GRID1: variants seen among roughly 807,000 people sequenced by gnomAD.
GRID1 encodes the protein glutamate ionotropic receptor delta type subunit 1, also known as glutamate receptor ionotropic, delta-1.
A neutral mutation model predicts 98.0 loss-of-function variants in GRID1; 28 were observed. The ratio of observed to expected loss-of-function variants is 0.29; its 90% CI spans 0.21 to 0.39. GRID1 has a LOEUF of 0.39. GRID1 is among the 10% of genes least tolerant of loss of function. The pLI, the probability that GRID1 is intolerant of heterozygous loss-of-function variation, is 1.00. For missense variants in GRID1, 1,111 were observed against 1,340.5 expected (o/e 0.83, Z 2.67); for synonymous variants, 553 against 538.5 (o/e 1.03, Z -0.37).
chr10:85,691,560 G>T (rs982562958), intron 12 of GRID1, among the ~76,000 whole-genome samples: 9 of 152,084 alleles, frequency 5.9e-5, no homozygotes, highest in African/African-American at 9.7e-5. Context: ...AATCATAGCT[G>T]TGGACCTCAA....
chr10:85,890,298 G>A (rs913763727), intron 5 of GRID1, among the ~76,000 whole-genome samples: 1 of 151,914 alleles, frequency 6.6e-6, no homozygotes, highest in African/African-American at 2.4e-5. Flanking sequence ...GTTTCTGAAT[G>A]TTCTCACCAC....
At chr10:85,982,818 G>A (rs1842562213) in intron 4 of GRID1, among the ~76,000 whole-genome samples, 1 of 152,112 alleles carries the variant, frequency 6.6e-6, no homozygotes, top group Non-Finnish European at 1.5e-5. Flanking sequence ...TTCCCTAAGT[G>A]GCTATTGTCA....
intron 4 of GRID1, among the ~76,000 whole-genome samples, chr10:86,029,992 A>G (rs542849887): frequency 6.6e-6 from 1 of 152,350 alleles, no homozygotes; most frequent in African/African-American, 2.4e-5. Context: ...AGAGCTATAC[A>G]TGGTAGCACC....
intron 8 of GRID1, among the ~76,000 whole-genome samples, chr10:85,775,673 C>T (rs918629043): frequency 6.6e-6 from 1 of 151,912 alleles, no homozygotes; most frequent in Non-Finnish European, 1.5e-5. Flanking sequence ...TGCACCTATA[C>T]CCCCCGAATC....
intron 8 of GRID1, among the ~76,000 whole-genome samples, chr10:85,759,676 T>C (rs1008272352): frequency 1.3e-5 from 2 of 152,236 alleles, no homozygotes; most frequent in African/African-American, 4.8e-5. Flanking sequence ...GGCGAAATCA[T>C]GTTTCTTTAA....
At chr10:86,093,324 G>A (rs1306365983) in intron 4 of GRID1, among the ~76,000 whole-genome samples, 4 of 148,272 alleles carry the variant, frequency 2.7e-5, no homozygotes, top group African/African-American at 1.0e-4. Flanking sequence ...AGGAACTAGA[G>A]AAACAAGAAC....
chr10:86,227,557 A>G (rs1193991917), intron 2 of GRID1, among the ~76,000 whole-genome samples: 1 of 147,088 alleles, frequency 6.8e-6, no homozygotes, highest in African/African-American at 2.4e-5. Flanking sequence ...CAGCCCCAAG[A>G]CCCTCATGAG....
intron 8 of GRID1, among the ~76,000 whole-genome samples, chr10:85,744,336 G>C (rs947410891): frequency 6.6e-6 from 1 of 152,112 alleles, no homozygotes; most frequent in Non-Finnish European, 1.5e-5. Context: ...TATCTAATGT[G>C]GTCAACAACT....
intron 2 of GRID1, among the ~76,000 whole-genome samples, chr10:86,285,981 G>A (rs547454660): frequency 1.6e-4 from 24 of 152,238 alleles, no homozygotes; most frequent in African/African-American, 5.1e-4. Context: ...TGTGGGTTTA[G>A]GTCTAGAAAT....
chr10:85,933,987 T>C lies in GRID1; in HGVS notation c.727-17748A>G, dbSNP rs977342603. Among the ~76,000 whole-genome samples the C allele has an allele frequency of 2.0e-5, 3 of 152,158 alleles. No homozygotes were observed. In the South Asian group the frequency reaches 6.2e-4, roughly 32 times the overall value. On this transcript the variant is annotated intron_variant, in intron 4 of 15. Coordinates refer to ENST00000327946, the MANE Select transcript of GRID1 (RefSeq NM_017551.3). ...GATCTGAGCTCCTTCAACATAAATA[T>C]AGGCTGAGGGTTTCCTAGGTACCCT... is the stretch of plus-strand genomic sequence containing the variant.
intron 4 of GRID1, among the ~76,000 whole-genome samples, chr10:85,988,584 C>T (rs182926173): frequency 5.4e-4 from 83 of 152,322 alleles, no homozygotes; most frequent in Admixed American, 3.5e-3. Flanking sequence ...GTGTGATCCT[C>T]TCAAGGTCAC....
At chr10:85,602,827 T>C (rs183134933) in intron 15 of GRID1, 126 bp from the exon 16 acceptor site, 1 of 647,264 alleles carries the variant, frequency 1.5e-6, no homozygotes, top group African/African-American at 1.8e-5. Context: ...GAGTATCCCT[T>C]TCATGTGGCT....
At chr10:85,966,688 C>T (rs1436993046) in intron 4 of GRID1, among the ~76,000 whole-genome samples, 1 of 151,934 alleles carries the variant, frequency 6.6e-6, no homozygotes, top group Admixed American at 6.6e-5. Context: ...GTGGTGTGTA[C>T]CTGTAATCCC....
rs533005504 is a variant in GRID1 at position 86,144,863 on chromosome 10, T to G, written c.521-5839A>C. The stretch of plus-strand genomic sequence containing the variant: ...TGCTAAGGAAGCCCACATCCTGGAC[T>G]GGCGGAGGCCTTTCAACTTCTCCTC... On this transcript the variant is annotated intron_variant, in intron 3 of 15. Transcript: ENST00000327946. Among the ~76,000 whole-genome samples, 6 of 152,332 alleles carry G rather than the reference T, an allele frequency of 3.9e-5. No individual in the cohort carries two copies. The East Asian group carries it at 1.2e-3, about 30-fold the overall frequency.
chr10:85,728,037 T>C lies in GRID1; in HGVS notation c.1351A>G (p.Met451Val), dbSNP rs1355921645. 4 of 1,612,558 alleles carry C rather than the reference T, an allele frequency of 2.5e-6. No individual in the cohort carries two copies. The highest frequency in any genetic ancestry group is 3.4e-6 in the Non-Finnish European group (4 of 1,178,618). The part of the protein sequence containing the change: ...VVTVLEEPFV[M>V]VAENILGQPK... ...TGTCCTAGGATGTTCTCAGCCACCATCACGAAAGGCTCTTCCTGAGGACAA... is the reference window on the plus strand; with the variant it reads ...TGTCCTAGGATGTTCTCAGCCACCACCACGAAAGGCTCTTCCTGAGGACAA... Residue 451 changes from methionine to valine, a missense_variant, in exon 10 of 16, where the codon ATG becomes GTG. Physicochemically the swap from Met to Val is conservative, Grantham distance 21. Transcript: ENST00000327946.
At chr10:86,199,997 C>T (rs1203269343) in intron 3 of GRID1, among the ~76,000 whole-genome samples, 1 of 151,874 alleles carries the variant, frequency 6.6e-6, no homozygotes, top group African/African-American at 2.4e-5. Flanking sequence ...CTAAGGCCTC[C>T]TCCGACTGTC....
At chr10:86,033,211 T>C (rs1843210952) in intron 4 of GRID1, among the ~76,000 whole-genome samples, 1 of 151,972 alleles carries the variant, frequency 6.6e-6, no homozygotes, top group African/African-American at 2.4e-5. Flanking sequence ...GCAGAAGAGC[T>C]GGAGACAGAT....
intron 8 of GRID1, among the ~76,000 whole-genome samples, chr10:85,804,639 C>T (rs1042406083): frequency 3.3e-5 from 5 of 151,692 alleles, no homozygotes; most frequent in Admixed American, 6.6e-5. Flanking sequence ...TGACTATGTA[C>T]GTATTTGTCA....
chr10:85,663,867 T>C (rs1379018626), intron 12 of GRID1, among the ~76,000 whole-genome samples: 1 of 152,224 alleles, frequency 6.6e-6, no homozygotes, highest in Non-Finnish European at 1.5e-5. Flanking sequence ...AATGTTACTG[T>C]AGCACTGTTA....
Sources: gnomAD v4.1 joint callset for allele counts (sites outside exome capture counted in the v4.1 genomes callset) on GRCh38, gnomAD v4.1.1 for gene constraint, MANE v1.5 for transcripts, NCBI Gene and HGNC (gene_info 2026-07-23, HGNC 2026-07-21) for gene names.